SNTG1: variants seen among roughly 807,000 people sequenced by gnomAD.
The protein encoded by SNTG1 is syntrophin gamma 1, also known as gamma-1-syntrophin.
Under a neutral mutation model 74.7 loss-of-function variants are expected in SNTG1, and 39 were observed. That is an observed-to-expected ratio of 0.52 (90% CI 0.40 to 0.68). The LOEUF (loss-of-function observed/expected upper bound fraction) is 0.68, where lower values mean the gene tolerates loss of function less well. SNTG1 is among the 30% of genes least tolerant of loss of function. The probability of loss-of-function intolerance (pLI) is 0.00; values close to 1 mark genes in which losing one functional copy is unlikely to be tolerated. For synonymous variants in SNTG1, 254 were observed against 217.1 expected, an observed-to-expected ratio of 1.17 and a Z score of -1.49; for missense variants, 685 against 609.5, an observed-to-expected ratio of 1.12 and a Z score of -1.30.
intron 18 of SNTG1, among the ~76,000 whole-genome samples, chr8:50,761,294 G>C (rs1009266100): frequency 6.6e-6 from 1 of 151,850 alleles, no homozygotes; most frequent in Non-Finnish European, 1.5e-5. Context: ...CAGGCATGAC[G>C]TACTGAATAA....
At chr8:50,402,470 T>C (rs985260226) in intron 4 of SNTG1, 126 bp downstream of exon 4, 7 of 1,188,406 alleles carry the variant, frequency 5.9e-6, no homozygotes, top group Non-Finnish European at 8.2e-6. Context: ...CATGGAATTT[T>C]TGCTTACATC....
intron 2 of SNTG1, among the ~76,000 whole-genome samples, chr8:50,174,203 T>G (rs1245117950): frequency 3.3e-5 from 5 of 152,254 alleles, no homozygotes; most frequent in Non-Finnish European, 7.3e-5. Context: ...TTCCATGATG[T>G]ACATGTACCA....
intron 2 of SNTG1, among the ~76,000 whole-genome samples, chr8:50,257,415 CAG>C (rs1271110879): frequency 6.6e-6 from 1 of 152,162 alleles, no homozygotes; most frequent in Admixed American, 6.5e-5. Context: ...ATGTGTGGTG[CAG>C]AGTTTCTGCC....
chr8:50,301,782 G>T (rs1412707419), intron 2 of SNTG1, among the ~76,000 whole-genome samples: 1 of 151,774 alleles, frequency 6.6e-6, no homozygotes, highest in Non-Finnish European at 1.5e-5. Context: ...GTTCTCTAGA[G>T]CTGGTCTGCC....
chr8:50,108,160 C>T (rs2080451448), intron 1 of SNTG1, among the ~76,000 whole-genome samples: 1 of 152,120 alleles, frequency 6.6e-6, no homozygotes, highest in Non-Finnish European at 1.5e-5. Flanking sequence ...ATTAGGCCAG[C>T]ATCATTTACT....
chr8:50,552,930 T>C (rs1043100736), intron 11 of SNTG1, 120 bp from the exon 12 acceptor site: 4 of 1,203,654 alleles, frequency 3.3e-6, no homozygotes, highest in African/African-American at 3.1e-5. Flanking sequence ...TAACCAAATA[T>C]GAATTTGGAG....
chr8:50,756,091 A>T (rs953327499), intron 18 of SNTG1, among the ~76,000 whole-genome samples: 3 of 150,636 alleles, frequency 2.0e-5, no homozygotes, highest in South Asian at 4.3e-4. Context: ...GCCCATTCTT[A>T]ATTGGAATTT....
rs746483802 is a variant in SNTG1 at position 50,795,451 on chromosome 8, A to G, written c.*2622A>G. ...TCTCATATAATTTAGGTTTACATGT[A>G]AGAGATTTATTCATAAAATCCTAGT... is the stretch of plus-strand genomic sequence containing the variant. On this transcript the variant is annotated 3_prime_UTR_variant, in exon 19 of 19. Transcript: ENST00000642720. 5 of 152,076 alleles carry G rather than the reference A, an allele frequency of 3.3e-5. No homozygotes were observed. The highest frequency in any genetic ancestry group is 5.9e-5 in the Non-Finnish European group (4 of 67,982). The allele number at this position is 152,076 out of a possible 1,614,324, so 9.4% of individuals were successfully genotyped here. A position where few individuals can be genotyped will look rare whatever the true frequency, so the allele number is the denominator to read the frequency against.
intron 1 of SNTG1, among the ~76,000 whole-genome samples, chr8:50,113,423 A>G (rs2080682817): frequency 6.6e-6 from 1 of 152,170 alleles, no homozygotes; most frequent in Non-Finnish European, 1.5e-5. Flanking sequence ...TGATTTTTGC[A>G]CATTGATTTT....
At chr8:50,183,604 G>T (rs545110429) in intron 2 of SNTG1, among the ~76,000 whole-genome samples, 2 of 151,888 alleles carry the variant, frequency 1.3e-5, no homozygotes, top group Non-Finnish European at 2.9e-5. Flanking sequence ...CCTTCCCAGC[G>T]TTTTTGCCTT....
At chr8:49,986,291 C>T (rs547642220) in intron 1 of SNTG1, among the ~76,000 whole-genome samples, 1 of 152,216 alleles carries the variant, frequency 6.6e-6, no homozygotes, top group South Asian at 2.1e-4. Context: ...CTAATTGGGT[C>T]ACTGTTCTTC....
intron 1 of SNTG1, among the ~76,000 whole-genome samples, chr8:50,112,780 A>G (rs1042395952): frequency 6.6e-6 from 1 of 152,056 alleles, no homozygotes; most frequent in Non-Finnish European, 1.5e-5. Flanking sequence ...AAGTGCTGGG[A>G]TTACAGGCAT....
At chr8:50,335,387 T>C (rs564744423) in intron 2 of SNTG1, among the ~76,000 whole-genome samples, 2 of 152,186 alleles carry the variant, frequency 1.3e-5, no homozygotes, top group Non-Finnish European at 2.9e-5. Flanking sequence ...CACTGTTTCC[T>C]GTTCAAGGCT....
In SNTG1 at chr8:50,138,458, T is replaced by TA. The variant is rs954650357; in HGVS notation, c.-102-34093dup. Among the ~76,000 whole-genome samples the TA allele has an allele frequency of 3.6e-4, 52 of 146,060 alleles. 1 individual carries two copies. Among genetic ancestry groups the TA allele is most frequent in the South Asian group, 2.2e-3 (10 of 4,588 alleles). ...TATGGTGAAACTCCATCTCTACTAA[T>TA]AAAAAAAAAATAAAAAATTAGCCAG... On this transcript the variant is annotated intron_variant, in intron 1 of 18. Coordinates refer to ENST00000642720, the MANE Select transcript of SNTG1 (RefSeq NM_018967.5).
chr8:50,450,367 A>G (rs1430563756), intron 6 of SNTG1, among the ~76,000 whole-genome samples, 189 bp from the exon 7 acceptor site: 1 of 152,198 alleles, frequency 6.6e-6, no homozygotes, highest in Non-Finnish European at 1.5e-5. Context: ...ATATGTCTGC[A>G]TGTGCTTCAG....
At chr8:50,227,059 G>A (rs1041564218) in intron 2 of SNTG1, among the ~76,000 whole-genome samples, 1 of 152,012 alleles carries the variant, frequency 6.6e-6, no homozygotes, top group Non-Finnish European at 1.5e-5. Context: ...AATACATCTG[G>A]ACACACTGAA....
At chr8:50,376,785 A>AG (rs2092396412) in intron 2 of SNTG1, among the ~76,000 whole-genome samples, 1 of 143,130 alleles carries the variant, frequency 7.0e-6, no homozygotes. Context: ...AGAGAGAGAG[A>AG]ATAGTGCTTC....
At chr8:50,088,329 CT>C (rs1273132878) in intron 1 of SNTG1, among the ~76,000 whole-genome samples, 1 of 142,682 alleles carries the variant, frequency 7.0e-6, no homozygotes, top group Admixed American at 7.3e-5. Flanking sequence ...GAAGCATTCC[CT>C]TTGAAAACTG....
intron 1 of SNTG1, among the ~76,000 whole-genome samples, chr8:49,973,237 G>C (rs549489516): frequency 3.2e-4 from 48 of 151,834 alleles, no homozygotes; most frequent in Non-Finnish European, 6.3e-4. Context: ...GCTGGAAACC[G>C]TCATTCTCAG....
Sources: allele counts gnomAD v4.1 joint callset (sites outside exome capture counted in the v4.1 genomes callset), GRCh38; gene constraint gnomAD v4.1.1; transcripts MANE v1.5; gene names NCBI Gene and HGNC (gene_info 2026-07-23, HGNC 2026-07-21).